CNOT10: variants seen among roughly 807,000 people sequenced by gnomAD.
CNOT10 encodes the protein CCR4-NOT transcription complex, subunit 10.
In CNOT10, 30 loss-of-function variants were observed where a neutral mutation model predicts 94.6. The observed-to-expected ratio is 0.32, with a 90% CI of 0.24 to 0.43. The LOEUF is 0.43. CNOT10 is among the 20% of genes least tolerant of loss of function. The probability of loss-of-function intolerance (pLI) is 1.00; values close to 1 mark genes in which losing one functional copy is unlikely to be tolerated. For synonymous variants in CNOT10, 289 were observed against 301.6 expected (o/e 0.96, Z 0.43); for missense variants, 759 against 877.2 (o/e 0.87, Z 1.70).
At chr3:32,743,708 TTACCTTC>T (rs1337175953) in intron 13 of CNOT10, among the ~76,000 whole-genome samples, 1 of 152,158 alleles carries the variant, frequency 6.6e-6, no homozygotes, top group Non-Finnish European at 1.5e-5. Flanking sequence ...TAATTTAACT[TTACCTTC>T]TGAGAATGTC....
At chr3:32,754,220 G>A (rs551620761) in intron 13 of CNOT10, among the ~76,000 whole-genome samples, 14 of 151,806 alleles carry the variant, frequency 9.2e-5, no homozygotes, top group Non-Finnish European at 1.8e-4. Flanking sequence ...GCTCACGCCT[G>A]TAATCCCAGC....
intron 5 of CNOT10, 45 bp downstream of exon 5, chr3:32,713,414 A>G (rs1483262866): frequency 4.8e-6 from 7 of 1,451,658 alleles, no homozygotes; most frequent in Middle Eastern, 2.3e-4. Flanking sequence ...AATGTGATTA[A>G]TTCTCTCTAC....
At chr3:32,690,911 A>G (rs1013007424) in intron 1 of CNOT10, among the ~76,000 whole-genome samples, 3 of 152,180 alleles carry the variant, frequency 2.0e-5, no homozygotes, top group African/African-American at 7.2e-5. Context: ...TTTAAAAAAT[A>G]AAATGAATAT....
rs1020431484 is a variant in CNOT10, at chr3:32,726,101, T to C, written c.1012+502T>C. On this transcript the variant is annotated intron_variant, in intron 9 of 18. Transcript: ENST00000328834. ...CTGGAACTACAGACACATGCCACTG[T>C]ACCTGGCTAATTTTTGTGTTTTTTG... 6.6e-5 allele frequency among the ~76,000 whole-genome samples: 10 copies of C among 152,116 alleles called. No homozygotes were observed. In the East Asian group the frequency reaches 7.7e-4, roughly 12 times the overall value.
At chr3:32,728,257 A>G (rs1348276955) in intron 10 of CNOT10, among the ~76,000 whole-genome samples, 2 of 151,998 alleles carry the variant, frequency 1.3e-5, no homozygotes, top group African/African-American at 4.8e-5. Flanking sequence ...CAGCCTCCCG[A>G]AGTGCTGGGA....
At chr3:32,754,476 C>CAAAAAAA (rs1553637886) in intron 13 of CNOT10, among the ~76,000 whole-genome samples, 1 of 36,272 alleles carries the variant, frequency 2.8e-5, no homozygotes, top group Admixed American at 4.9e-4. Flanking sequence ...GACTCCGTCT[C>CAAAAAAA]AAAAAAAAAA....
intron 4 of CNOT10, among the ~76,000 whole-genome samples, chr3:32,709,049 T>G (rs1697752583): frequency 1.3e-5 from 2 of 152,252 alleles, no homozygotes; most frequent in African/African-American, 4.8e-5. Flanking sequence ...TGGAAAGTGC[T>G]GAAAACACTT....
chr3:32,753,527 A>T, intron 13 of CNOT10: 1 of 1,578,888 alleles, frequency 6.3e-7, no homozygotes, highest in Non-Finnish European at 8.7e-7. Context: ...GTTTCAACCA[A>T]GATTGAAATT....
intron 10 of CNOT10, among the ~76,000 whole-genome samples, chr3:32,730,478 T>C (rs549776688): frequency 4.7e-4 from 71 of 152,242 alleles, no homozygotes; most frequent in South Asian, 1.2e-3. Context: ...CAATTTGTGC[T>C]GCTAATAGGA....
At chr3:32,705,272 T>G (rs571048038) in intron 3 of CNOT10, among the ~76,000 whole-genome samples, 12 of 152,300 alleles carry the variant, frequency 7.9e-5, no homozygotes, top group African/African-American at 2.9e-4. Context: ...GAGATATATC[T>G]TGTTTATAAT....
intron 1 of CNOT10, among the ~76,000 whole-genome samples, chr3:32,701,902 C>T (rs1209153351): frequency 6.6e-6 from 1 of 152,144 alleles, no homozygotes; most frequent in Non-Finnish European, 1.5e-5. Flanking sequence ...ACGCCATTCT[C>T]CTGCCTCAGC....
chr3:32,689,788 G>A (rs754736202), intron 1 of CNOT10, among the ~76,000 whole-genome samples: 5 of 151,946 alleles, frequency 3.3e-5, no homozygotes, highest in South Asian at 2.1e-4. Flanking sequence ...ACTTGTCTCC[G>A]TAAAAAATAA....
intron 17 of CNOT10, among the ~76,000 whole-genome samples, chr3:32,768,004 A>G (rs1700724892): frequency 6.6e-6 from 1 of 152,056 alleles, no homozygotes; most frequent in African/African-American, 2.4e-5. Context: ...CTTGGTTTTT[A>G]GGTTAATCCA....
chr3:32,708,859 C>G, intron 4 of CNOT10, 39 bp downstream of exon 4: 1 of 1,546,666 alleles, frequency 6.5e-7, no homozygotes, highest in African/African-American at 1.4e-5. Flanking sequence ...CCTATCTTCC[C>G]TATACTTGCA....
At chr3:32,751,294 CAG>C (rs143877802) in intron 13 of CNOT10, among the ~76,000 whole-genome samples, 3,279 of 151,676 alleles carry the variant, frequency 0.022, 49 homozygotes, top group East Asian at 0.047. Context: ...TTTGTAGAGA[CAG>C]AGTCTCACTG....
intron 13 of CNOT10, 130 bp from the exon 14 acceptor site, chr3:32,759,328 C>A: frequency 1.6e-6 from 1 of 644,330 alleles, no homozygotes; most frequent in South Asian, 2.0e-5. Context: ...ACCATTAGTA[C>A]CGTGGCTTCC....
In CNOT10 at chr3:32,710,650, T is replaced by G. The variant is rs569700327; in HGVS notation, c.430+1830T>G. 6.6e-5 allele frequency among the ~76,000 whole-genome samples: 10 copies of G among 152,284 alleles called. No homozygotes were observed. The South Asian group carries it at 2.1e-3, about 32-fold the overall frequency. On this transcript the variant is annotated intron_variant, in intron 4 of 18. Coordinates refer to ENST00000328834, the MANE Select transcript of CNOT10 (RefSeq NM_015442.3). ...TTCCCTTTCTACCTATAACCACTGA[T>G]CTTTTTACTGTCTCTACAGTTTTGC... is the stretch of plus-strand genomic sequence containing the variant.
chr3:32,769,230 G>A (rs1700792969), intron 17 of CNOT10: 1 of 152,352 alleles, frequency 6.6e-6, no homozygotes, highest in Non-Finnish European at 1.5e-5. Flanking sequence ...ATAAGGTGAG[G>A]AATATTTTGG....
chr3:32,768,505 C>A (rs1197614575), intron 17 of CNOT10, among the ~76,000 whole-genome samples: 2 of 151,998 alleles, frequency 1.3e-5, no homozygotes, highest in East Asian at 3.9e-4. Context: ...ATCGCTTGAA[C>A]CCAGGAGGCG....
Sources: gnomAD v4.1 joint callset for allele counts (sites outside exome capture counted in the v4.1 genomes callset) on GRCh38, gnomAD v4.1.1 for gene constraint, MANE v1.5 for transcripts, NCBI Gene and HGNC (gene_info 2026-07-23, HGNC 2026-07-21) for gene names.